PLAG1: variants seen among roughly 807,000 people sequenced by gnomAD.
PLAG1 encodes the protein zinc finger protein PLAG1.
A neutral mutation model predicts 35.5 loss-of-function variants in PLAG1; 7 were observed. That is an observed-to-expected ratio of 0.20 (90% CI 0.11 to 0.37). The LOEUF (loss-of-function observed/expected upper bound fraction) is 0.37, where lower values mean the gene tolerates loss of function less well. Ranked by LOEUF, PLAG1 falls within the 10% of genes least tolerant of loss-of-function variation. The pLI, the probability that PLAG1 is intolerant of heterozygous loss-of-function variation, is 1.00. For synonymous variants in PLAG1, 229 were observed against 225.4 expected (o/e 1.02, Z -0.14); for missense variants, 454 against 602.8 (o/e 0.75, Z 2.58).
rs1811414889 is a variant in PLAG1, at chr8:56,168,202, C to T, written c.68G>A (p.Arg23His). ...RDTQKVPSGKRKRGETKPRKN... is the reference protein window; with the variant it reads ...RDTQKVPSGKHKRGETKPRKN... ...TCTTGGTTTGGTTTCACCACGCTTA[C>T]GTTTCCCTGAAGGGACTTTCTGGGT... Residue 23 changes from arginine (R) to histidine (H), a missense_variant, in exon 4 of 5, where the codon CGT becomes CAT. Arg to His is a conservative substitution (Grantham distance 29). This residue lies in a region of PLAG1 where 170 missense variants were observed against 226.3 expected (regional missense o/e 0.75). Transcript: ENST00000316981. 6.2e-7 allele frequency: 1 copy of T among 1,613,848 alleles called. No homozygotes were observed.
rs957186991 is a variant in PLAG1, at chr8:56,200,643, C to G, written c.-322+10478G>C. On this transcript the variant is annotated intron_variant, in intron 1 of 4. Coordinates refer to ENST00000316981, the MANE Select transcript of PLAG1 (RefSeq NM_002655.3). ...TCTCAGCACACCTTTCTAGCGGCTC[C>G]TGAACTGTACCCTTGCAAACCATCC... 5.7e-4 allele frequency among the ~76,000 whole-genome samples: 87 copies of G among 152,282 alleles called. 1 individual carries two copies. The highest frequency in any genetic ancestry group is 1.9e-3 in the African/African-American group (81 of 41,558).
In PLAG1 at chr8:56,194,673, C is replaced by T. The variant is rs114586265; in HGVS notation, c.-321-15160G>A. ...CATGTGTGTATGTGGGTGCAGCATG[C>T]GTGTGGGGCAGGAGGCCATCATGAA... is the stretch of plus-strand genomic sequence containing the variant. On this transcript the variant is annotated intron_variant, in intron 1 of 4. Coordinates refer to ENST00000316981, the MANE Select transcript of PLAG1 (RefSeq NM_002655.3). 5.9e-4 allele frequency among the ~76,000 whole-genome samples: 90 copies of T among 151,790 alleles called. 1 individual carries two copies. Among genetic ancestry groups the T allele is most frequent in the African/African-American group, 1.9e-3 (80 of 41,426 alleles).
intron 1 of PLAG1, among the ~76,000 whole-genome samples, chr8:56,209,941 C>CA (rs1812809006): frequency 1.3e-5 from 2 of 151,798 alleles, no homozygotes; most frequent in African/African-American, 2.4e-5. Flanking sequence ...TTTTTCCACC[C>CA]AAAAAAACCC....
Position 56,163,700 on chromosome 8 carries a change from T to C in PLAG1, c.*2543A>G, listed in dbSNP as rs529364009. On this transcript the variant is annotated 3_prime_UTR_variant, in exon 5 of 5. Coordinates refer to ENST00000316981, the MANE Select transcript of PLAG1 (RefSeq NM_002655.3). Reference sequence around the variant, plus strand: ...ATATATACACACACACACACACACATACACATACATACATATATGGCGCTA... The same window carrying C: ...ATATATACACACACACACACACACACACACATACATACATATATGGCGCTA... The C allele has an allele frequency of 4.2e-5, 8 of 188,858 alleles. No individual in the cohort carries two copies. The highest frequency in any genetic ancestry group is 1.9e-4 in the South Asian group (1 of 5,134). 11.7% of individuals were successfully genotyped at this position (188,858 alleles called of 1,614,324 possible).
At chr8:56,196,238 G>C (rs1282455024) in intron 1 of PLAG1, among the ~76,000 whole-genome samples, 1 of 152,156 alleles carries the variant, frequency 6.6e-6, no homozygotes. Flanking sequence ...ATGGGTAAGG[G>C]ATAGAAGAAA....
At chr8:56,175,959 T>G (rs1245026629) in intron 2 of PLAG1, among the ~76,000 whole-genome samples, 46 of 152,088 alleles carry the variant, frequency 3.0e-4, no homozygotes, top group Admixed American at 2.6e-4. Flanking sequence ...TTCAGACATA[T>G]TTTCCTTGGT....
intron 2 of PLAG1, 105 bp from the exon 3 acceptor site, chr8:56,171,294 T>C (rs1811515513): frequency 6.2e-6 from 1 of 160,244 alleles, no homozygotes; most frequent in Non-Finnish European, 1.3e-5. Context: ...CATGCTTACA[T>C]TCCATACTCT....
rs1232233478 is a variant in PLAG1 at position 56,166,915 on chromosome 8, C to A, written c.831G>T (p.Leu277=). 6.2e-7 allele frequency: 1 copy of A among 1,614,076 alleles called. No individual in the cohort carries two copies. Among genetic ancestry groups the A allele is most frequent in the East Asian group, 2.2e-5 (1 of 44,866 alleles). ...AAGTGTTTGTGAATGGCTTTGATAA[C>A]AGTTCACTGGAAGGTAAGGACATCA... The part of the protein sequence containing the change: ...LPVMSLPSSE[L]LSKPFTNTLQ... The change falls in exon 5 of 5, where the codon CTG becomes CTT. Residue 277 remains leucine, a synonymous_variant. Coordinates refer to ENST00000316981, the MANE Select transcript of PLAG1 (RefSeq NM_002655.3).
At chr8:56,186,032 T>A (rs542191422) in intron 1 of PLAG1, among the ~76,000 whole-genome samples, 30 of 151,890 alleles carry the variant, frequency 2.0e-4, no homozygotes, top group African/African-American at 7.2e-4. Context: ...GTAGAGGGAG[T>A]CACAAACTGT....
chr8:56,193,275 G>A (rs1293159301), intron 1 of PLAG1, among the ~76,000 whole-genome samples: 1 of 152,232 alleles, frequency 6.6e-6, no homozygotes, highest in Non-Finnish European at 1.5e-5. Context: ...CTGCTGAGGT[G>A]TGGTGACTTG....
chr8:56,182,275 A>G (rs566685358), intron 1 of PLAG1, among the ~76,000 whole-genome samples: 46 of 152,370 alleles, frequency 3.0e-4, no homozygotes, highest in Admixed American at 6.5e-5. Context: ...TTACTAGAAG[A>G]AAGTCCACTT....
chr8:56,210,150 T>TA (rs1207063704), intron 1 of PLAG1, among the ~76,000 whole-genome samples: 3 of 152,118 alleles, frequency 2.0e-5, no homozygotes, highest in Admixed American at 6.5e-5. Context: ...TCGAAAGTTT[T>TA]AAAAAATAAA....
intron 2 of PLAG1, among the ~76,000 whole-genome samples, chr8:56,177,795 T>G (rs1811750401): frequency 6.6e-6 from 1 of 152,170 alleles, no homozygotes; most frequent in African/African-American, 2.4e-5. Context: ...TAAAGCAAGC[T>G]CAGAAGACAA....
intron 1 of PLAG1, among the ~76,000 whole-genome samples, chr8:56,197,232 T>G (rs1411649045): frequency 6.6e-6 from 1 of 152,154 alleles, no homozygotes; most frequent in African/African-American, 2.4e-5. Flanking sequence ...ACTGGTGTCC[T>G]GCCCTCACAT....
chr8:56,180,911 TC>T (rs1390267517), intron 1 of PLAG1, among the ~76,000 whole-genome samples: 1 of 152,096 alleles, frequency 6.6e-6, no homozygotes. Flanking sequence ...AACAGACACT[TC>T]TCAAAAGAAG....
At chr8:56,178,781 T>C (rs1811781558) in intron 2 of PLAG1, among the ~76,000 whole-genome samples, 1 of 152,016 alleles carries the variant, frequency 6.6e-6, no homozygotes, top group Admixed American at 6.6e-5. Flanking sequence ...CTGACAGACT[T>C]ACCTGGTACC....
chr8:56,187,907 G>A (rs567839485), intron 1 of PLAG1, among the ~76,000 whole-genome samples: 2 of 152,242 alleles, frequency 1.3e-5, no homozygotes, highest in East Asian at 1.9e-4. Context: ...CTGATCCACC[G>A]GAAGCCAGCA....
Position 56,167,957 on chromosome 8 carries a change from T to C in PLAG1, c.242+71A>G, listed in dbSNP as rs538368966. ...GCTGAAAAATGTGTATACAAATACA[T>C]ACGTTTACAATGGCTTCAAACAGCC... On this transcript the variant is annotated intron_variant, in intron 4 of 4. Transcript: ENST00000316981. This position sits in a 1 kb window ranked among gnomAD's most constrained non-coding sequence, Gnocchi z 5.9. The C allele has an allele frequency of 1.2e-4, 97 of 827,434 alleles. 1 individual carries two copies. In the South Asian group the frequency reaches 1.7e-3, roughly 14 times the overall value. 51.3% of individuals were successfully genotyped at this position (827,434 alleles called of 1,614,324 possible). A position where few individuals can be genotyped will look rare whatever the true frequency, so the allele number is the denominator to read the frequency against.
intron 1 of PLAG1, among the ~76,000 whole-genome samples, chr8:56,199,914 G>T (rs1300122604): frequency 6.6e-6 from 1 of 152,188 alleles, no homozygotes; most frequent in Non-Finnish European, 1.5e-5. Context: ...AGAGAATGGG[G>T]ATGCAGGTAA....
Sources: allele counts gnomAD v4.1 joint callset (sites outside exome capture counted in the v4.1 genomes callset), GRCh38; gene constraint gnomAD v4.1.1; regional missense constraint gnomAD v4.1.1; non-coding constraint Gnocchi (gnomAD v3.1); transcripts MANE v1.5; gene names NCBI Gene and HGNC (gene_info 2026-07-23, HGNC 2026-07-21).